PTPRD: variants seen among roughly 807,000 people sequenced by gnomAD.
PTPRD encodes protein tyrosine phosphatase receptor type D.
A neutral mutation model predicts 214.5 loss-of-function variants in PTPRD; 34 were observed. That is an observed-to-expected ratio of 0.16 (90% CI 0.12 to 0.21). The LOEUF (loss-of-function observed/expected upper bound fraction) is 0.21. Among genes scored for constraint, PTPRD ranks in the 10% least tolerant of loss-of-function variants. The pLI, the probability that PTPRD is intolerant of heterozygous loss-of-function variation, is 1.00. For missense variants in PTPRD, 2,545 were observed against 2,398.7 expected (o/e 1.06, Z -1.27); for synonymous variants, 1,128 against 845.7 (o/e 1.33, Z -5.79).
intron 11 of PTPRD, among the ~76,000 whole-genome samples, chr9:8,852,252 A>T (rs1022157818): frequency 1.3e-5 from 2 of 152,190 alleles, no homozygotes; most frequent in Non-Finnish European, 2.9e-5. Flanking sequence ...TGTTGTTAAT[A>T]AAAAAAGAAA....
chr9:8,627,263 G>A (rs935378122), intron 14 of PTPRD, among the ~76,000 whole-genome samples: 1 of 151,782 alleles, frequency 6.6e-6, no homozygotes, highest in Admixed American at 6.6e-5. Context: ...CTGAAGGGCT[G>A]AAACTCACTG....
chr9:9,472,371 T>C (rs2094675952), intron 8 of PTPRD, among the ~76,000 whole-genome samples: 1 of 151,408 alleles, frequency 6.6e-6, no homozygotes, highest in Non-Finnish European at 1.5e-5. Flanking sequence ...GCCCGGCTAA[T>C]TTTTTGTATT....
In PTPRD at chr9:8,340,451, G is replaced by A. The variant is rs779384586; in HGVS notation, c.5145C>T (p.Ile1715=). ...IDGYRQQKAY[I]ATQGPLAETT... Reference sequence around the variant, plus strand: ...TCTCTGCCAAGGGCCCCTGGGTAGCGATGTAGGCTTTCTGTTGTCTGAATT... The same window carrying A: ...TCTCTGCCAAGGGCCCCTGGGTAGCAATGTAGGCTTTCTGTTGTCTGAATT... Residue 1715 remains isoleucine (I), a synonymous_variant, in exon 42 of 46, where the codon ATC becomes ATT. Coordinates refer to ENST00000381196, the MANE Select transcript of PTPRD (RefSeq NM_002839.4). 6.3e-5 allele frequency: 101 copies of A among 1,597,544 alleles called. No homozygotes were observed. The Admixed American group carries it at 7.5e-4, about 12-fold the overall frequency.
At chr9:8,690,031 C>A (rs1032822273) in intron 12 of PTPRD, among the ~76,000 whole-genome samples, 4 of 150,824 alleles carry the variant, frequency 2.7e-5, no homozygotes, top group Non-Finnish European at 4.4e-5. Flanking sequence ...TTGCTTAAGC[C>A]CAGGAGGGGG....
At chr9:9,557,555 T>C (rs2154289423) in intron 8 of PTPRD, among the ~76,000 whole-genome samples, 1 of 152,318 alleles carries the variant, frequency 6.6e-6, no homozygotes, top group Middle Eastern at 3.4e-3. Context: ...CCAACAGATA[T>C]TAATTAAGAA....
rs1030144938 is a variant in PTPRD at position 8,713,474 on chromosome 9, A to G, written c.64+20306T>C. The G allele has an allele frequency of 1.1e-5, 12 of 1,120,780 alleles. No homozygotes were observed. The African/African-American group carries it at 1.8e-4, about 17-fold the overall frequency. The allele number at this position is 1,120,780 out of a possible 1,614,324, so 69.4% of individuals were successfully genotyped here. A position where few individuals can be genotyped will look rare whatever the true frequency, so the allele number is the denominator to read the frequency against. On this transcript the variant is annotated intron_variant, in intron 12 of 45. Transcript: ENST00000381196. ...TTCGTATCTCAGTTAAAGAAAATGA[A>G]GAAGTCTTCAGGGGAGACTGTCTAC...
chr9:8,760,094 C>G (rs2094314260), intron 11 of PTPRD, among the ~76,000 whole-genome samples: 1 of 152,196 alleles, frequency 6.6e-6, no homozygotes, highest in Non-Finnish European at 1.5e-5. Flanking sequence ...CAACGCCCAG[C>G]TAATTCTTGT....
chr9:9,595,299 T>C (rs200867351), intron 7 of PTPRD, among the ~76,000 whole-genome samples: 32,693 of 87,862 alleles, frequency 0.37, 4,696 homozygotes, highest in Admixed American at 0.52. Context: ...TATATATATA[T>C]ATATATATAT....
intron 11 of PTPRD, among the ~76,000 whole-genome samples, chr9:8,787,329 C>G (rs554310859): frequency 6.6e-6 from 1 of 152,280 alleles, no homozygotes; most frequent in South Asian, 2.1e-4. Context: ...GGAGTCAAAG[C>G]TGCTTTGAGG....
At chr9:8,933,340 GTTTTTTTT>G (rs71317383) in intron 11 of PTPRD, among the ~76,000 whole-genome samples, 1 of 80,438 alleles carries the variant, frequency 1.2e-5, no homozygotes, top group East Asian at 4.9e-4. Context: ...CAACCTTGAG[GTTTTTTTT>G]TTTTTTTTTT....
chr9:9,475,776 G>C (rs1421661162), intron 8 of PTPRD, among the ~76,000 whole-genome samples: 1 of 152,084 alleles, frequency 6.6e-6, no homozygotes, highest in Non-Finnish European at 1.5e-5. Flanking sequence ...AGAGATTTGA[G>C]GTCACTAAGT....
intron 7 of PTPRD, among the ~76,000 whole-genome samples, chr9:9,688,890 T>C (rs1019606470): frequency 2.0e-5 from 3 of 151,804 alleles, no homozygotes; most frequent in Admixed American, 1.3e-4. Flanking sequence ...ACTGATGATA[T>C]ATCCTGAATA....
chr9:8,948,805 C>T lies in PTPRD; in HGVS notation c.-104+69892G>A, dbSNP rs144799884. On this transcript the variant is annotated intron_variant, in intron 11 of 45. Transcript: ENST00000381196. Reference sequence around the variant, plus strand: ...AAGAAACACAAAAGGATGGATGAAGCCATAATTCTGGAATATTTGGAAGGT... The same window carrying T: ...AAGAAACACAAAAGGATGGATGAAGTCATAATTCTGGAATATTTGGAAGGT... 1.8e-3 allele frequency among the ~76,000 whole-genome samples: 268 copies of T among 150,812 alleles called. 2 individuals are homozygous for T. Among genetic ancestry groups the T allele is most frequent in the African/African-American group, 6.3e-3 (258 of 41,052 alleles).
In PTPRD at chr9:8,524,698, T is replaced by C. The variant is rs530342048; in HGVS notation, c.679+227A>G. 1.3e-5 allele frequency: 8 copies of C among 628,948 alleles called. No individual in the cohort carries two copies. In the South Asian group the frequency reaches 1.4e-4, roughly 11 times the overall value. 39.0% of individuals were successfully genotyped at this position (628,948 alleles called of 1,614,324 possible). ...AAACCAAGATGTAAAAATGCAAATA[T>C]ACTTACAAACTCCAAGCCTCAGGAC... On this transcript the variant is annotated intron_variant, in intron 18 of 45. Coordinates refer to ENST00000381196, the MANE Select transcript of PTPRD (RefSeq NM_002839.4).
chr9:10,050,769 TTATCG>T (rs917411866), intron 3 of PTPRD, among the ~76,000 whole-genome samples: 1 of 151,906 alleles, frequency 6.6e-6, no homozygotes, highest in African/African-American at 2.4e-5. Context: ...TTATTTTATT[TTATCG>T]TATCTTTCAT....
At chr9:9,965,185 G>C (rs1167571628) in intron 4 of PTPRD, among the ~76,000 whole-genome samples, 1 of 152,104 alleles carries the variant, frequency 6.6e-6, no homozygotes, top group Non-Finnish European at 1.5e-5. Flanking sequence ...ATTAGTTCTG[G>C]GAATGCTAGA....
chr9:10,407,636 C>A (rs2098385341), intron 2 of PTPRD, among the ~76,000 whole-genome samples: 1 of 151,430 alleles, frequency 6.6e-6, no homozygotes, highest in Non-Finnish European at 1.5e-5. Flanking sequence ...GGCCAATACT[C>A]TTCTGTTTAG....
intron 9 of PTPRD, among the ~76,000 whole-genome samples, chr9:9,252,142 C>CA (rs2131623321): frequency 6.6e-6 from 1 of 152,084 alleles, no homozygotes; most frequent in South Asian, 2.1e-4. Flanking sequence ...TGTGCCACCC[C>CA]AAAATATGCC....
At chr9:9,029,235 C>T (rs636024) in intron 10 of PTPRD, among the ~76,000 whole-genome samples, 102,748 of 151,592 alleles carry the variant, frequency 0.68, 36,770 homozygotes, top group Middle Eastern at 0.82. Context: ...TTCATATTTG[C>T]GACTTGCATT....
Sources: gnomAD v4.1 joint callset for allele counts (sites outside exome capture counted in the v4.1 genomes callset) on GRCh38, gnomAD v4.1.1 for gene constraint, MANE v1.5 for transcripts, NCBI Gene and HGNC (gene_info 2026-07-23, HGNC 2026-07-21) for gene names.